The following THSD7B variants were observed in gnomAD, a reference collection of about 807,000 sequenced individuals.
THSD7B encodes thrombospondin type 1 domain containing 7B.
Under a neutral mutation model 213.6 loss-of-function variants are expected in THSD7B, and 138 were observed. The observed-to-expected ratio is 0.65, with a 90% CI of 0.56 to 0.74. THSD7B has a LOEUF of 0.74. THSD7B is among the 30% of genes least tolerant of loss of function. THSD7B has a pLI of 0.00. For synonymous variants in THSD7B, 742 were observed against 687.0 expected (o/e 1.08, Z -1.25); for missense variants, 1,931 against 1,991.5 (o/e 0.97, Z 0.58).
Position 137,618,469 on chromosome 2 carries a change from A to G in THSD7B, c.3643A>G (p.Ser1215Gly). ...GACCCGCCTGCTAAGCTGTGTGTGC[A>G]GTGATGGCAAGCCAGTCAGCATGGA... is the stretch of plus-strand genomic sequence containing the variant. ...VRTRLLSCVCSDGKPVSMDQC... is the reference protein window; with the variant it reads ...VRTRLLSCVCGDGKPVSMDQC... The change falls in exon 19 of 28, where the codon AGT (serine) becomes GGT (glycine). Residue 1215 changes from serine to glycine, a missense_variant. Ser to Gly is a moderately conservative substitution (Grantham distance 56). Transcript: ENST00000409968. The G allele has an allele frequency of 1.9e-6, 3 of 1,613,886 alleles. No individual in the cohort carries two copies. The highest frequency in any genetic ancestry group is 2.5e-6 in the Non-Finnish European group (3 of 1,179,856).
At chr2:137,479,000 G>A (rs1688248542) in intron 15 of THSD7B, among the ~76,000 whole-genome samples, 1 of 152,158 alleles carries the variant, frequency 6.6e-6, no homozygotes, top group Non-Finnish European at 1.5e-5. Flanking sequence ...TGGCACTGAT[G>A]TTGGAAAGTC....
chr2:137,629,780 A>G (rs1291780718), intron 20 of THSD7B, among the ~76,000 whole-genome samples: 2 of 152,160 alleles, frequency 1.3e-5, no homozygotes, highest in East Asian at 3.9e-4. Flanking sequence ...GTTACACATC[A>G]CTTCTGGCTA....
intron 1 of THSD7B, among the ~76,000 whole-genome samples, chr2:136,811,057 G>A (rs1682367163): frequency 6.6e-6 from 1 of 152,120 alleles, no homozygotes; most frequent in African/African-American, 2.4e-5. Context: ...GCCCTTGATG[G>A]CGGAGAGTCC....
At chr2:137,518,275 C>T (rs561938170) in intron 15 of THSD7B, among the ~76,000 whole-genome samples, 14 of 152,110 alleles carry the variant, frequency 9.2e-5, no homozygotes, top group Middle Eastern at 3.2e-3. Context: ...CCTGCACCAC[C>T]CGAAAGTGGA....
In THSD7B at chr2:136,997,012, G is replaced by T. The variant is rs374346045; in HGVS notation, c.140-59408G>T. The stretch of plus-strand genomic sequence containing the variant: ...TGCCAAAAATCTAGAACACTGTTTT[G>T]TCTACTCTTTATCCCTGGAAATACA... On this transcript the variant is annotated intron_variant, in intron 2 of 27. Transcript: ENST00000409968. Among the ~76,000 whole-genome samples the T allele has an allele frequency of 1.9e-4, 29 of 152,228 alleles. No individual in the cohort carries two copies. The South Asian group carries it at 2.7e-3, about 14-fold the overall frequency.
chr2:137,266,397 G>A (rs1364116445), intron 10 of THSD7B, among the ~76,000 whole-genome samples: 1 of 152,148 alleles, frequency 6.6e-6, no homozygotes. Flanking sequence ...ATCATAAAAA[G>A]CATTGGTGTC....
rs951997696 is a variant in THSD7B at position 137,575,928 on chromosome 2, C to T, written c.3423+3372C>T. On this transcript the variant is annotated intron_variant, in intron 17 of 27. Coordinates refer to ENST00000409968, the MANE Select transcript of THSD7B (RefSeq NM_001316349.2). Reference sequence around the variant, plus strand: ...TATACAGACATTTCGTAGTTCATTACTTACCACCCAATGTTCTCTTTTACC... The same window carrying T: ...TATACAGACATTTCGTAGTTCATTATTTACCACCCAATGTTCTCTTTTACC... 3.8e-4 allele frequency among the ~76,000 whole-genome samples: 56 copies of T among 145,474 alleles called. 1 individual carries two copies. Among genetic ancestry groups the T allele is most frequent in the Non-Finnish European group, 2.9e-5 (2 of 67,902 alleles).
At chr2:137,510,388 C>T (rs1453474978) in intron 15 of THSD7B, among the ~76,000 whole-genome samples, 3 of 151,784 alleles carry the variant, frequency 2.0e-5, no homozygotes, top group Non-Finnish European at 4.4e-5. Context: ...GTCCATTTTC[C>T]CCCATTATTT....
intron 17 of THSD7B, among the ~76,000 whole-genome samples, chr2:137,586,223 G>A (rs955822596): frequency 6.6e-6 from 1 of 152,122 alleles, no homozygotes; most frequent in Non-Finnish European, 1.5e-5. Flanking sequence ...TTGAGCCTAT[G>A]TGTGTCCCTG....
intron 10 of THSD7B, among the ~76,000 whole-genome samples, chr2:137,247,782 A>AT (rs887186349): frequency 6.9e-4 from 104 of 151,570 alleles, no homozygotes; most frequent in South Asian, 3.1e-3. Context: ...ACAGACAGTG[A>AT]TTTTTTTTTA....
intron 2 of THSD7B, among the ~76,000 whole-genome samples, chr2:136,892,204 C>T (rs1683873358): frequency 6.6e-6 from 1 of 152,080 alleles, no homozygotes; most frequent in Non-Finnish European, 1.5e-5. Context: ...TTTCTGCCTT[C>T]TGTTAGTTAC....
chr2:137,564,096 A>G (rs1381854365), intron 16 of THSD7B, among the ~76,000 whole-genome samples: 2 of 152,202 alleles, frequency 1.3e-5, no homozygotes, highest in African/African-American at 4.8e-5. Flanking sequence ...TATGTAAAAT[A>G]AATAAGAAGC....
intron 27 of THSD7B, among the ~76,000 whole-genome samples, chr2:137,675,517 C>CCACT (rs145062352): frequency 0.022 from 3,269 of 148,434 alleles, 117 homozygotes; most frequent in African/African-American, 0.078. Context: ...TCAGGTTCTG[C>CCACT]CACTCACTCA....
chr2:137,495,331 T>C (rs937072877), intron 15 of THSD7B, among the ~76,000 whole-genome samples: 1 of 152,190 alleles, frequency 6.6e-6, no homozygotes, highest in African/African-American at 2.4e-5. Context: ...AGCAGCTATC[T>C]TCTGATCTCT....
chr2:137,499,246 A>C (rs2105133404), intron 15 of THSD7B, among the ~76,000 whole-genome samples: 1 of 152,310 alleles, frequency 6.6e-6, no homozygotes, highest in East Asian at 1.9e-4. Context: ...CTATTCTATT[A>C]CAGTGTACAG....
At chr2:137,510,201 TC>T (rs1192696112) in intron 15 of THSD7B, among the ~76,000 whole-genome samples, 12 of 152,270 alleles carry the variant, frequency 7.9e-5, no homozygotes, top group Non-Finnish European at 1.6e-4. Context: ...ATTCCTCTAT[TC>T]TTTCTATCTT....
At chr2:136,996,027 G>A (rs1215673018) in intron 2 of THSD7B, among the ~76,000 whole-genome samples, 2 of 152,076 alleles carry the variant, frequency 1.3e-5, no homozygotes, top group Non-Finnish European at 2.9e-5. Context: ...TTTATTTCAT[G>A]TCACATAACA....
intron 2 of THSD7B, among the ~76,000 whole-genome samples, chr2:136,951,310 C>G (rs1685034173): frequency 6.6e-6 from 1 of 152,166 alleles, no homozygotes; most frequent in African/African-American, 2.4e-5. Flanking sequence ...TCCCTATTCT[C>G]TTTTCCTCTC....
intron 1 of THSD7B, among the ~76,000 whole-genome samples, chr2:136,871,721 T>C (rs1683435092): frequency 6.6e-6 from 1 of 152,140 alleles, no homozygotes; most frequent in Admixed American, 6.5e-5. Flanking sequence ...AAGTTCTTAC[T>C]TTGGACTCTG....
Sources: gnomAD v4.1 joint callset for allele counts (sites outside exome capture counted in the v4.1 genomes callset) on GRCh38, gnomAD v4.1.1 for gene constraint, MANE v1.5 for transcripts, NCBI Gene and HGNC (gene_info 2026-07-23, HGNC 2026-07-21) for gene names.